PARD3: variants seen among roughly 807,000 people sequenced by gnomAD.
PARD3 encodes partitioning defective 3 homolog.
A neutral mutation model predicts 155.4 loss-of-function variants in PARD3; 75 were observed. The ratio of observed to expected loss-of-function variants is 0.48; its 90% CI spans 0.40 to 0.58. PARD3 has a LOEUF of 0.58. Ranked by LOEUF, PARD3 falls within the 20% of genes least tolerant of loss-of-function variation. The pLI, the probability that PARD3 is intolerant of heterozygous loss-of-function variation, is 0.00. For synonymous variants in PARD3, 576 were observed against 610.5 expected (o/e 0.94, Z 0.83); for missense variants, 1,642 against 1,721.7 (o/e 0.95, Z 0.82).
rs565107867 is a variant in PARD3, at chr10:34,412,879, T to C, written c.715-10962A>G. On this transcript the variant is annotated intron_variant, in intron 5 of 24. Transcript: ENST00000374788. ...ATTTTTAGAAAAATGATTAAACAAA[T>C]GATACATAGGCCAAATAAGAAATAG... Among the ~76,000 whole-genome samples, 70 of 152,204 alleles carry C rather than the reference T, an allele frequency of 4.6e-4. No homozygotes were observed. In the South Asian group the frequency reaches 0.014, roughly 31 times the overall value.
At chr10:34,399,509 C>G (rs1478123415) in intron 6 of PARD3, 96 bp from the exon 7 acceptor site, 2 of 775,850 alleles carry the variant, frequency 2.6e-6, no homozygotes, top group Non-Finnish European at 4.6e-6. Context: ...AACACAGACA[C>G]ACAATAAACA....
intron 22 of PARD3, among the ~76,000 whole-genome samples, chr10:34,169,752 A>G (rs1038833182): frequency 6.6e-6 from 1 of 152,232 alleles, no homozygotes; most frequent in Non-Finnish European, 1.5e-5. Context: ...GTATAGACTC[A>G]TGGAAACCAC....
At chr10:34,476,876 G>A (rs115270202) in intron 3 of PARD3, among the ~76,000 whole-genome samples, 305 of 152,196 alleles carry the variant, frequency 2.0e-3, no homozygotes, top group African/African-American at 6.7e-3. Context: ...ATCTTTTCAC[G>A]AGTTTCACCT....
intron 5 of PARD3, among the ~76,000 whole-genome samples, chr10:34,449,884 A>G (rs956160589): frequency 6.6e-6 from 1 of 152,218 alleles, no homozygotes; most frequent in East Asian, 1.9e-4. Flanking sequence ...TCTAAATTCT[A>G]AAACAACACC....
chr10:34,214,446 C>T (rs1338606189), intron 22 of PARD3, among the ~76,000 whole-genome samples: 2 of 152,038 alleles, frequency 1.3e-5, no homozygotes, highest in South Asian at 2.1e-4. Context: ...ACATAAGCAA[C>T]GTGGGGTGGT....
At chr10:34,136,170 G>A (rs1947886044) in intron 22 of PARD3, among the ~76,000 whole-genome samples, 1 of 152,124 alleles carries the variant, frequency 6.6e-6, no homozygotes, top group Admixed American at 6.5e-5. Flanking sequence ...AAATAATAAG[G>A]CTGGTGGTGC....
intron 2 of PARD3, among the ~76,000 whole-genome samples, chr10:34,529,923 C>T (rs925776141): frequency 1.4e-4 from 22 of 152,154 alleles, no homozygotes; most frequent in East Asian, 5.8e-4. Flanking sequence ...TTAGTAGAGA[C>T]GGAGTTTCAC....
At chr10:34,546,529 G>C (rs1427814080) in intron 2 of PARD3, among the ~76,000 whole-genome samples, 2 of 121,774 alleles carry the variant, frequency 1.6e-5, no homozygotes, top group East Asian at 4.7e-4. Context: ...AAAAAAAAAA[G>C]TGGAATTTTG....
At position 34,142,120 on chromosome 10, in the gene PARD3, C is replaced by CAG. The variant is rs200023953; in HGVS notation, c.3420-10539_3420-10538dup. On this transcript the variant is annotated intron_variant, in intron 22 of 24. Coordinates refer to ENST00000374788, the MANE Select transcript of PARD3 (RefSeq NM_001184785.2). ...CCCTGTGAGGTACGTGGACAAAGGG[C>CAG]AGGGGCTGAGGTCTGGGCCTCCCAA... Among the ~76,000 whole-genome samples the CAG allele has an allele frequency of 5.5e-3, 845 of 152,284 alleles. 4 individuals carry two copies. Among genetic ancestry groups the CAG allele is most frequent in the Non-Finnish European group, 9.1e-3 (618 of 68,022 alleles).
chr10:34,670,058 C>A (rs1477878476), intron 2 of PARD3, among the ~76,000 whole-genome samples: 3 of 152,206 alleles, frequency 2.0e-5, no homozygotes, highest in Non-Finnish European at 4.4e-5. Flanking sequence ...TTATTAGTAA[C>A]CAGGTTAAAG....
At chr10:34,247,708 CT>C (rs1421073597) in intron 22 of PARD3, among the ~76,000 whole-genome samples, 1 of 152,134 alleles carries the variant, frequency 6.6e-6, no homozygotes, top group Non-Finnish European at 1.5e-5. Flanking sequence ...ACTTAATTCA[CT>C]GATTAGATTG....
intron 2 of PARD3, among the ~76,000 whole-genome samples, chr10:34,579,916 A>G (rs1223000494): frequency 6.8e-6 from 1 of 147,652 alleles, no homozygotes; most frequent in Admixed American, 6.7e-5. Flanking sequence ...CAGAAAAAAA[A>G]AAAAATAGTT....
intron 1 of PARD3, among the ~76,000 whole-genome samples, chr10:34,717,924 T>C (rs2094544487): frequency 2.0e-5 from 3 of 151,612 alleles, no homozygotes; most frequent in Non-Finnish European, 4.4e-5. Context: ...GAGGCCGAGA[T>C]GGGTGGACTG....
chr10:34,335,776 T>C (rs1476256122), intron 18 of PARD3, among the ~76,000 whole-genome samples: 1 of 152,086 alleles, frequency 6.6e-6, no homozygotes, highest in Non-Finnish European at 1.5e-5. Context: ...AACATTTATA[T>C]TGGCACTATT....
chr10:34,548,275 G>A (rs1212796967), intron 2 of PARD3, among the ~76,000 whole-genome samples: 1 of 152,102 alleles, frequency 6.6e-6, no homozygotes, highest in East Asian at 1.9e-4. Flanking sequence ...AATCACTTGA[G>A]GCCAGGAGTT....
Position 34,728,086 on chromosome 10 carries a change from A to G in PARD3, c.121-31667T>C, listed in dbSNP as rs1016306589. ...AAGTCTAATTTATTAGACTCTAGGCATTTCGAGGCTTCACAGTATGTATGA... is the reference window on the plus strand; with the variant it reads ...AAGTCTAATTTATTAGACTCTAGGCGTTTCGAGGCTTCACAGTATGTATGA... On this transcript the variant is annotated intron_variant, in intron 1 of 24. Transcript: ENST00000374788. Among the ~76,000 whole-genome samples the G allele has an allele frequency of 2.0e-5, 3 of 152,210 alleles. No homozygotes were observed. The South Asian group carries it at 6.2e-4, about 32-fold the overall frequency.
chr10:34,546,158 A>T (rs1320537278), intron 2 of PARD3, among the ~76,000 whole-genome samples: 2 of 152,184 alleles, frequency 1.3e-5, no homozygotes, highest in Admixed American at 1.3e-4. Flanking sequence ...ATATTTTTTA[A>T]ATGATGAAAA....
At chr10:34,534,285 G>A (rs533945095) in intron 2 of PARD3, among the ~76,000 whole-genome samples, 1 of 151,688 alleles carries the variant, frequency 6.6e-6, no homozygotes, top group Admixed American at 6.6e-5. Flanking sequence ...AAAAGACCCA[G>A]AAGGAATGTG....
intron 1 of PARD3, among the ~76,000 whole-genome samples, chr10:34,718,371 A>G (rs1294056876): frequency 6.6e-6 from 1 of 152,110 alleles, no homozygotes; most frequent in African/African-American, 2.4e-5. Context: ...CAAAACATGC[A>G]CAGTGAGGCT....
Sources: allele counts gnomAD v4.1 joint callset (sites outside exome capture counted in the v4.1 genomes callset), GRCh38; gene constraint gnomAD v4.1.1; transcripts MANE v1.5; gene names NCBI Gene and HGNC (gene_info 2026-07-23, HGNC 2026-07-21).